Variants in PRPF3 observed in about 807,000 individuals in gnomAD.
PRPF3 encodes the protein pre-mRNA processing factor 3.
Under a neutral mutation model 89.2 loss-of-function variants are expected in PRPF3, and 3 were observed. The observed-to-expected ratio is 0.03, with a 90% CI of 0.02 to 0.09. The LOEUF (loss-of-function observed/expected upper bound fraction) is 0.09. Among genes scored for constraint, PRPF3 ranks in the 10% least tolerant of loss-of-function variants. The pLI is 1.00. For synonymous variants in PRPF3, 270 were observed against 289.1 expected, an observed-to-expected ratio of 0.93 and a Z score of 0.67; for missense variants, 463 against 828.8, an observed-to-expected ratio of 0.56 and a Z score of 5.42.
chr1:150,333,614 A>G (rs782676707), intron 6 of PRPF3, among the ~76,000 whole-genome samples: 22 of 152,148 alleles, frequency 1.4e-4, no homozygotes, highest in Non-Finnish European at 2.2e-4. Context: ...AACCTAGATC[A>G]TTTCTCACAG....
chr1:150,327,160 C>G (rs1433282278), intron 3 of PRPF3, among the ~76,000 whole-genome samples: 1 of 151,618 alleles, frequency 6.6e-6, no homozygotes, highest in Non-Finnish European at 1.5e-5. Flanking sequence ...TTCCACCTCC[C>G]AGGTTCAAGT....
chr1:150,346,125 T>C lies in PRPF3; in HGVS notation c.1748T>C (p.Val583Ala), dbSNP rs1553872883. 1 of 1,613,834 alleles carries C rather than the reference T, an allele frequency of 6.2e-7. No individual in the cohort carries two copies. The highest frequency in any genetic ancestry group is 1.7e-5 in the Admixed American group (1 of 59,996). ...CTGCACAAGGATGTCAACGTGGTAG[T>C]AGTGGAAGGGGGTGAGTCTGAAAAA... ...VVLHKDVNVV[V>A]VEGGPKAQKK... Residue 583 changes from valine (V) to alanine (A), a missense_variant, in exon 13 of 16, where the codon GTA becomes GCA. By Grantham distance (64) the Val-to-Ala change is moderately conservative. Around this residue, in one of 8 missense-constraint regions of PRPF3, gnomAD observed 261 missense variants for 475.8 expected, o/e 0.55. Coordinates refer to ENST00000324862, the MANE Select transcript of PRPF3 (RefSeq NM_004698.4).
intron 7 of PRPF3, among the ~76,000 whole-genome samples, chr1:150,337,272 C>T (rs1212257929): frequency 6.6e-6 from 1 of 151,654 alleles, no homozygotes; most frequent in Non-Finnish European, 1.5e-5. Flanking sequence ...ATCTCCTGAC[C>T]TCATGATCCT....
At chr1:150,346,358 A>G (rs1553872939) in intron 13 of PRPF3, 50 bp from the exon 14 acceptor site, 1 of 1,544,646 alleles carries the variant, frequency 6.5e-7, no homozygotes, top group Non-Finnish European at 9.0e-7. Flanking sequence ...GGTTCTTTCT[A>G]CCCCATCATC....
chr1:150,330,364 TG>T (rs1656205688), intron 4 of PRPF3: 2 of 152,896 alleles, frequency 1.3e-5, no homozygotes, highest in African/African-American at 2.4e-5. Flanking sequence ...TTTTCTTTTT[TG>T]GGGGGTGGGG....
At chr1:150,352,208 TC>T in intron 15 of PRPF3, among the ~76,000 whole-genome samples, 1 of 152,278 alleles carries the variant, frequency 6.6e-6, no homozygotes. Context: ...TTTTGAAGGC[TC>T]AGATTTAGTC....
In PRPF3 at chr1:150,339,786, C is replaced by T. The variant is rs375031638; in HGVS notation, c.1203-612C>T. ...TAAGACAGAGTCTCACTCTGTTGCACAATCTCGGCTCGCTGCAACCTCTGT... is the reference window on the plus strand; with the variant it reads ...TAAGACAGAGTCTCACTCTGTTGCATAATCTCGGCTCGCTGCAACCTCTGT... On this transcript the variant is annotated intron_variant, in intron 8 of 15. Transcript: ENST00000324862. Among the ~76,000 whole-genome samples, 6 of 137,448 alleles carry T rather than the reference C, an allele frequency of 4.4e-5. No individual in the cohort carries two copies. The East Asian group carries it at 1.2e-3, about 27-fold the overall frequency. The allele number at this position is 137,448 out of a possible 152,430, so 90.2% of individuals were successfully genotyped here.
At chr1:150,337,233 G>A (rs1657115620) in intron 7 of PRPF3, among the ~76,000 whole-genome samples, 1 of 151,436 alleles carries the variant, frequency 6.6e-6, no homozygotes, top group Admixed American at 6.6e-5. Context: ...TAGAGACGGG[G>A]TTTCACCGTG....
chr1:150,332,884 A>T, intron 5 of PRPF3, 95 bp from the exon 6 acceptor site: 1 of 1,485,458 alleles, frequency 6.7e-7, no homozygotes, highest in Non-Finnish European at 9.4e-7. Context: ...ATCATCTGCT[A>T]CAGTCTACCA....
chr1:150,325,006 G>A lies in PRPF3; in HGVS notation c.64G>A (p.Val22Ile). ...KPWIEKTVKR[V>I]LGFSEPTVVT... ...ATGGATAGAGAAGACAGTGAAGAGGGTCCTGGGTTTCTCAGAGCCTACGGT... is the reference window on the plus strand; with the variant it reads ...ATGGATAGAGAAGACAGTGAAGAGGATCCTGGGTTTCTCAGAGCCTACGGT... The change falls in exon 2 of 16, where the codon GTC becomes ATC. Residue 22 changes from valine (V) to isoleucine (I), a missense_variant. Coordinates refer to ENST00000324862, the MANE Select transcript of PRPF3 (RefSeq NM_004698.4). The A allele has an allele frequency of 6.2e-7, 1 of 1,613,818 alleles. No individual in the cohort carries two copies. Among genetic ancestry groups the A allele is most frequent in the Non-Finnish European group, 8.5e-7 (1 of 1,179,912 alleles).
At chr1:150,350,607 A>C (rs1234401515) in intron 15 of PRPF3, among the ~76,000 whole-genome samples, 3 of 152,234 alleles carry the variant, frequency 2.0e-5, no homozygotes, top group African/African-American at 7.2e-5. Context: ...AAAGTGGTAC[A>C]TTATTACAAA....
chr1:150,343,200 C>T, intron 9 of PRPF3, 109 bp from the exon 10 acceptor site: 3 of 627,948 alleles, frequency 4.8e-6, no homozygotes, highest in Non-Finnish European at 6.6e-6. Context: ...TGAGATCGTG[C>T]CATTGCACTC....
chr1:150,344,620 A>G, intron 12 of PRPF3, 73 bp downstream of exon 12: 1 of 1,505,084 alleles, frequency 6.6e-7, no homozygotes, highest in Admixed American at 1.8e-5. Flanking sequence ...AGGCAGAATC[A>G]TTGTGGCCTA....
At position 150,350,205 on chromosome 1, in the gene PRPF3, CTTT is replaced by C. The variant is rs35415059; in HGVS notation, c.1905+1000_1905+1002del. Reference sequence around the variant, plus strand: ...GCCACTGTGCCCAGCCCCTCCATTTCTTTTTTTTTTTTTTTGAGAGAGTTTTGC... The same window carrying C: ...GCCACTGTGCCCAGCCCCTCCATTTCTTTTTTTTTTTTGAGAGAGTTTTGC... On this transcript the variant is annotated intron_variant, in intron 15 of 15. Coordinates refer to ENST00000324862, the MANE Select transcript of PRPF3 (RefSeq NM_004698.4). Among the ~76,000 whole-genome samples, 216 of 132,230 alleles carry C rather than the reference CTTT, an allele frequency of 1.6e-3. 1 individual carries two copies. Among genetic ancestry groups the C allele is most frequent in the Non-Finnish European group, 1.9e-3 (120 of 62,680 alleles). 86.7% of individuals were successfully genotyped at this position (132,230 alleles called of 152,430 possible).
At position 150,328,171 on chromosome 1, in the gene PRPF3, G is replaced by A. The variant is rs1655925270; in HGVS notation, c.277-149G>A. ...GAAGTTGGGTGAGATGGAGAGTCTA[G>A]TAGACCCTGCTTCTGGCAGGTGGCT... On this transcript the variant is annotated intron_variant, in intron 3 of 15. Transcript: ENST00000324862. 30 of 800,602 alleles carry A rather than the reference G, an allele frequency of 3.7e-5. No individual in the cohort carries two copies. In the South Asian group the frequency reaches 4.6e-4, roughly 12 times the overall value. 49.6% of individuals were successfully genotyped at this position (800,602 alleles called of 1,614,324 possible).
At chr1:150,347,126 A>AT (rs1423324723) in intron 14 of PRPF3, among the ~76,000 whole-genome samples, 1 of 151,920 alleles carries the variant, frequency 6.6e-6, no homozygotes, top group Non-Finnish European at 1.5e-5. Flanking sequence ...TAAGCTATAC[A>AT]TTCATGTGTA....
intron 1 of PRPF3, among the ~76,000 whole-genome samples, chr1:150,323,150 C>T (rs1560080152): frequency 7.5e-6 from 1 of 132,938 alleles, no homozygotes; most frequent in Non-Finnish European, 1.6e-5. Flanking sequence ...GTTGGGATTA[C>T]AGGCGTGAGC....
Position 150,343,586 on chromosome 1 carries a change from G to A in PRPF3, c.1426+134G>A, listed in dbSNP as rs587683958. On this transcript the variant is annotated intron_variant, in intron 10 of 15. Coordinates refer to ENST00000324862, the MANE Select transcript of PRPF3 (RefSeq NM_004698.4). Reference sequence around the variant, plus strand: ...TATTCTTGGGGTCCTTTTTCTCCAAGTTTTCTACCATCTTTTCATATTAAG... The same window carrying A: ...TATTCTTGGGGTCCTTTTTCTCCAAATTTTCTACCATCTTTTCATATTAAG... 2.1e-4 allele frequency: 263 copies of A among 1,224,436 alleles called. 1 individual carries two copies. Among genetic ancestry groups the A allele is most frequent in the Non-Finnish European group, 3.0e-4 (255 of 860,336 alleles). The allele number at this position is 1,224,436 out of a possible 1,614,324, so 75.8% of individuals were successfully genotyped here. A position where few individuals can be genotyped will look rare whatever the true frequency, so the allele number is the denominator to read the frequency against.
rs782165190 is a variant in PRPF3, at chr1:150,325,091, T to A, written c.145+4T>A. On this transcript the variant is annotated splice_donor_region_variant and intron_variant, in intron 2 of 15. Coordinates refer to ENST00000324862, the MANE Select transcript of PRPF3 (RefSeq NM_004698.4). ...ATGGACAAGAAGAAGGCAGCCGGTA[T>A]GTACCTTTCTGCATCTTTTATCTTA... 8.7e-6 allele frequency: 14 copies of A among 1,613,046 alleles called. No homozygotes were observed. In the South Asian group the frequency reaches 1.5e-4, roughly 18 times the overall value.
Sources: allele counts gnomAD v4.1 joint callset (sites outside exome capture counted in the v4.1 genomes callset), GRCh38; gene constraint gnomAD v4.1.1; regional missense constraint gnomAD v4.1.1; transcripts MANE v1.5; gene names NCBI Gene and HGNC (gene_info 2026-07-23, HGNC 2026-07-21).